OSBPL10: variants seen among roughly 807,000 people sequenced by gnomAD.
The protein encoded by OSBPL10 is oxysterol-binding protein-related protein 10.
In OSBPL10, 49 loss-of-function variants were observed where a neutral mutation model predicts 81.7. The ratio of observed to expected loss-of-function variants is 0.60; its 90% CI spans 0.48 to 0.76. OSBPL10 has a LOEUF of 0.76. Among genes scored for constraint, OSBPL10 ranks in the 30% least tolerant of loss-of-function variants. The probability of loss-of-function intolerance (pLI) is 0.00; values close to 1 mark genes in which losing one functional copy is unlikely to be tolerated. For synonymous variants in OSBPL10, 419 were observed against 383.6 expected, an observed-to-expected ratio of 1.09 and a Z score of -1.08; for missense variants, 923 against 987.8, an observed-to-expected ratio of 0.93 and a Z score of 0.88.
chr3:32,072,412 C>T (rs761230199), intron 1 of OSBPL10, among the ~76,000 whole-genome samples: 15 of 152,184 alleles, frequency 9.9e-5, no homozygotes, highest in South Asian at 2.1e-4. Flanking sequence ...GTCACTCCCA[C>T]CTACTCTCCC....
chr3:31,779,049 C>CA (rs1390017231), intron 4 of OSBPL10, among the ~76,000 whole-genome samples: 11 of 152,172 alleles, frequency 7.2e-5, no homozygotes, highest in South Asian at 2.1e-4. Context: ...GCCAGCACTA[C>CA]AAAAAATGCT....
intron 7 of OSBPL10, among the ~76,000 whole-genome samples, chr3:31,699,674 G>A (rs1412665622): frequency 6.6e-6 from 1 of 152,218 alleles, no homozygotes; most frequent in Non-Finnish European, 1.5e-5. Context: ...GGGGTGCTGA[G>A]CAACCTCACA....
chr3:31,752,858 C>T (rs1697760765), intron 4 of OSBPL10, among the ~76,000 whole-genome samples: 1 of 152,170 alleles, frequency 6.6e-6, no homozygotes, highest in African/African-American at 2.4e-5. Context: ...TCAGTCACTC[C>T]TCCATTACTC....
intron 7 of OSBPL10, among the ~76,000 whole-genome samples, chr3:31,690,928 T>A (rs1055546539): frequency 6.6e-6 from 1 of 152,148 alleles, no homozygotes; most frequent in African/African-American, 2.4e-5. Flanking sequence ...CCTTTTTTTT[T>A]TTTGGTGTGT....
intron 7 of OSBPL10, among the ~76,000 whole-genome samples, chr3:31,684,523 C>T (rs932593353): frequency 3.3e-5 from 5 of 152,270 alleles, no homozygotes; most frequent in South Asian, 2.1e-4. Flanking sequence ...AGGGAGGGGT[C>T]GGCAATCAGT....
intron 8 of OSBPL10, 135 bp from the exon 9 acceptor site, chr3:31,671,118 G>T: frequency 1.2e-6 from 1 of 827,828 alleles, no homozygotes; most frequent in Non-Finnish European, 1.8e-6. Flanking sequence ...GAGGTGAGCT[G>T]CTCGTTCACT....
rs386396290 is a variant in OSBPL10, at chr3:31,905,345, A to ATTTTTTTTTTT, written c.282-25526_282-25516dup. ...GAGCTCTATGTCAAGGAACCTGGTG[A>ATTTTTTTTTTT]TTTTTTTTTTTTTTTTTTTTTTTAG... On this transcript the variant is annotated intron_variant, in intron 1 of 11. Transcript: ENST00000396556. Among the ~76,000 whole-genome samples, 223 of 94,810 alleles carry ATTTTTTTTTTT rather than the reference A, an allele frequency of 2.4e-3. 13 individuals are homozygous for ATTTTTTTTTTT. The highest frequency in any genetic ancestry group is 8.8e-3 in the African/African-American group (187 of 21,280). 62.2% of individuals were successfully genotyped at this position (94,810 alleles called of 152,430 possible).
chr3:31,946,134 C>A (rs1697696497), intron 1 of OSBPL10, among the ~76,000 whole-genome samples: 1 of 152,050 alleles, frequency 6.6e-6, no homozygotes, highest in Non-Finnish European at 1.5e-5. Context: ...GCACGTGCCA[C>A]CATGCCCGGC....
At position 31,944,833 on chromosome 3, in the gene OSBPL10, T is replaced by TAA. The variant is rs869140991; in HGVS notation, c.281+36064_281+36065dup. On this transcript the variant is annotated intron_variant, in intron 1 of 11. Transcript: ENST00000396556. Reference sequence around the variant, plus strand: ...GCAACAGAGCAAGACCCCCTCTCTTTAAAAAAAAAAAAAAAAAAAAAAAAA... The same window carrying TAA: ...GCAACAGAGCAAGACCCCCTCTCTTTAAAAAAAAAAAAAAAAAAAAAAAAAAA... Among the ~76,000 whole-genome samples, 11 of 55,116 alleles carry TAA rather than the reference T, an allele frequency of 2.0e-4. 1 individual carries two copies. Among genetic ancestry groups the TAA allele is most frequent in the Non-Finnish European group, 3.6e-4 (9 of 24,794 alleles). 36.2% of individuals were successfully genotyped at this position (55,116 alleles called of 152,430 possible). A position where few individuals can be genotyped will look rare whatever the true frequency, so the allele number is the denominator to read the frequency against.
Position 31,990,761 on chromosome 3 carries a change from C to T in OSBPL10, n.298+55730G>A, listed in dbSNP as rs746235764. The T allele has an allele frequency of 2.5e-6, 4 of 1,613,686 alleles. No homozygotes were observed. In the African/African-American group the frequency reaches 5.3e-5, roughly 22 times the overall value. ...CATGAAACACATAAGAGAATTCATA[C>T]TGGAGAGAAACCTTACAAATGTGAT... On this transcript the variant is annotated intron_variant and non_coding_transcript_variant, in intron 2 of 3. Transcript: ENST00000479173.
At chr3:31,832,332 T>C (rs1252000674) in intron 3 of OSBPL10, among the ~76,000 whole-genome samples, 6 of 152,216 alleles carry the variant, frequency 3.9e-5, no homozygotes. Flanking sequence ...GTCTACTTTT[T>C]ATATTCTTTC....
At position 31,675,998 on chromosome 3, in the gene OSBPL10, C is replaced by A. The variant is rs149064270; in HGVS notation, c.1727-5015G>T. 1.8e-3 allele frequency among the ~76,000 whole-genome samples: 269 copies of A among 150,492 alleles called. 4 individuals carry two copies. Among genetic ancestry groups the A allele is most frequent in the East Asian group, 1.6e-3 (8 of 5,142 alleles). On this transcript the variant is annotated intron_variant, in intron 8 of 11. Transcript: ENST00000396556. ...CTACAACGTCTTCCAATAGGCTATA[C>A]CTGTGAGGGATGGAAGAGACACAGG...
chr3:31,799,828 C>T (rs1383775443), intron 4 of OSBPL10, among the ~76,000 whole-genome samples: 2 of 152,192 alleles, frequency 1.3e-5, no homozygotes, highest in Non-Finnish European at 2.9e-5. Context: ...TCTTCTGCCT[C>T]AGCCTCCTGA....
rs1190803702 is a variant in OSBPL10 at position 31,922,572 on chromosome 3, C to T, written c.282-42742G>A. On this transcript the variant is annotated intron_variant, in intron 1 of 11. Coordinates refer to ENST00000396556, the MANE Select transcript of OSBPL10 (RefSeq NM_017784.5). ...GGCGGAGGTTGCAGTTAGCCTGGAT[C>T]GCACCATTGCACTCCAGCCTGGGCA... 2.6e-5 allele frequency among the ~76,000 whole-genome samples: 4 copies of T among 152,058 alleles called. No individual in the cohort carries two copies. In the South Asian group the frequency reaches 8.3e-4, roughly 32 times the overall value.
chr3:31,990,459 C>T (rs1453855001), intron 2 of OSBPL10: 26 of 1,568,858 alleles, frequency 1.7e-5, no homozygotes, highest in Non-Finnish European at 2.2e-5. Flanking sequence ...ATGAGTGTGG[C>T]AAGACCTTCC....
At chr3:31,871,227 C>G (rs895860017) in intron 3 of OSBPL10, among the ~76,000 whole-genome samples, 1 of 152,136 alleles carries the variant, frequency 6.6e-6, no homozygotes, top group Non-Finnish European at 1.5e-5. Context: ...TAACACTCAC[C>G]CCTAAGATCT....
intron 6 of OSBPL10, among the ~76,000 whole-genome samples, chr3:31,706,657 A>G (rs974112826): frequency 2.0e-5 from 3 of 152,182 alleles, no homozygotes; most frequent in South Asian, 2.1e-4. Flanking sequence ...GGGAACATCA[A>G]TGTGGGAGAA....
intron 3 of OSBPL10, among the ~76,000 whole-genome samples, chr3:31,868,866 T>G (rs1701248121): frequency 6.6e-6 from 1 of 152,206 alleles, no homozygotes; most frequent in Admixed American, 6.5e-5. Flanking sequence ...AACTCCCGAA[T>G]CCACTCCCAA....
At position 31,980,943 on chromosome 3, in the gene OSBPL10, G is replaced by T; in HGVS notation, c.237C>A (p.Gly79=). The T allele has an allele frequency of 6.3e-7, 1 of 1,578,524 alleles. No individual in the cohort carries two copies. The highest frequency in any genetic ancestry group is 8.6e-7 in the Non-Finnish European group (1 of 1,166,176). ...GGRRREPALE[G]VLSKYTNLLQ... ...GGAGGTTGGTGTATTTGCTGAGCAC[G>T]CCCTCGAGCGCCGGCTCCCTCCTGC... The change falls in exon 1 of 12, where the codon GGC becomes GGA. Residue 79 remains glycine, a synonymous_variant. Coordinates refer to ENST00000396556, the MANE Select transcript of OSBPL10 (RefSeq NM_017784.5).
Sources: gnomAD v4.1 joint callset for allele counts (sites outside exome capture counted in the v4.1 genomes callset) on GRCh38, gnomAD v4.1.1 for gene constraint, MANE v1.5 for transcripts, NCBI Gene and HGNC (gene_info 2026-07-23, HGNC 2026-07-21) for gene names.